Variants in ASPH observed in about 807,000 individuals in gnomAD.
ASPH encodes the protein aspartate beta-hydroxylase.
In ASPH, 100 loss-of-function variants were observed where a neutral mutation model predicts 118.4. That is an observed-to-expected ratio of 0.84 (90% CI 0.72 to 1.00). The LOEUF (loss-of-function observed/expected upper bound fraction) is 1.00. ASPH is among the 50% of genes least tolerant of loss of function. The probability of loss-of-function intolerance (pLI) is 0.00; values close to 1 mark genes in which losing one functional copy is unlikely to be tolerated. For missense variants in ASPH, 920 were observed against 919.5 expected (o/e 1.00, Z -0.01); for synonymous variants, 315 against 325.6 (o/e 0.97, Z 0.35).
Position 61,664,026 on chromosome 8 carries a change from A to G in ASPH, c.323-10366T>C, listed in dbSNP as rs550971548. On this transcript the variant is annotated intron_variant, in intron 3 of 24. Coordinates refer to ENST00000379454, the MANE Select transcript of ASPH (RefSeq NM_004318.4). ...TAAAATCTTAGTGGTAGCATTTTTG[A>G]TTCTGTTGTTAATAAGGTTAACATT... 25 of 912,588 alleles carry G rather than the reference A, an allele frequency of 2.7e-5. No homozygotes were observed. The African/African-American group carries it at 4.5e-4, about 16-fold the overall frequency. 56.5% of individuals were successfully genotyped at this position (912,588 alleles called of 1,614,324 possible).
Position 61,634,456 on chromosome 8 carries a change from C to T in ASPH, c.890-729G>A, listed in dbSNP as rs188274854. 7.3e-4 allele frequency among the ~76,000 whole-genome samples: 111 copies of T among 152,306 alleles called. 1 individual carries two copies. The highest frequency in any genetic ancestry group is 6.3e-3 in the Admixed American group (97 of 15,296). ...ACAGTATTTTCTAAAACAGAAAACACTTATGGAGCTATTTTAATAATTTTT... is the reference window on the plus strand; with the variant it reads ...ACAGTATTTTCTAAAACAGAAAACATTTATGGAGCTATTTTAATAATTTTT... On this transcript the variant is annotated intron_variant, in intron 12 of 24. Coordinates refer to ENST00000379454, the MANE Select transcript of ASPH (RefSeq NM_004318.4).
chr8:61,622,484 A>G (rs1169850678), intron 13 of ASPH, among the ~76,000 whole-genome samples: 1 of 152,204 alleles, frequency 6.6e-6, no homozygotes, highest in Non-Finnish European at 1.5e-5. Context: ...CTCTGAGTGC[A>G]TTACCACACT....
intron 14 of ASPH, chr8:61,606,453 T>C (rs546333052): frequency 6.6e-6 from 1 of 152,348 alleles, no homozygotes; most frequent in African/African-American, 2.4e-5. Context: ...GGCATCACAC[T>C]GTATAAATAG....
At chr8:61,573,162 G>A (rs750344012) in intron 16 of ASPH, among the ~76,000 whole-genome samples, 3 of 152,182 alleles carry the variant, frequency 2.0e-5, no homozygotes, top group Non-Finnish European at 4.4e-5. Context: ...CAAAGGATGT[G>A]AAGGACCTCT....
intron 16 of ASPH, among the ~76,000 whole-genome samples, chr8:61,571,776 CA>C (rs1162025414): frequency 1.3e-5 from 2 of 152,142 alleles, no homozygotes; most frequent in Non-Finnish European, 2.9e-5. Flanking sequence ...ATTAAATTAG[CA>C]TTTGCATAAA....
In ASPH at chr8:61,672,515, GTT is replaced by G. The variant is rs142842751; in HGVS notation, c.322+8451_322+8452del. ...ATAATTTTACCACTTATTTAAACCA[GTT>G]TTTTTTAAAAAAAAAAAACTCAGTA... On this transcript the variant is annotated intron_variant, in intron 3 of 24. Coordinates refer to ENST00000379454, the MANE Select transcript of ASPH (RefSeq NM_004318.4). 6.1e-5 allele frequency among the ~76,000 whole-genome samples: 9 copies of G among 147,502 alleles called. No homozygotes were observed. The South Asian group carries it at 7.0e-4, about 11-fold the overall frequency.
chr8:61,632,594 A>G, intron 13 of ASPH: 4 of 459,432 alleles, frequency 8.7e-6, no homozygotes, highest in South Asian at 6.6e-5. Context: ...GTAAAAGGTC[A>G]ATTTCTCCAT....
chr8:61,520,450 C>CA (rs1372467479), intron 22 of ASPH, among the ~76,000 whole-genome samples: 8 of 152,122 alleles, frequency 5.3e-5, no homozygotes, highest in Non-Finnish European at 7.4e-5. Flanking sequence ...ATAAGAGTTA[C>CA]AAAAAACGCA....
At chr8:61,600,112 A>AT (rs1843543801) in intron 14 of ASPH, among the ~76,000 whole-genome samples, 1 of 152,204 alleles carries the variant, frequency 6.6e-6, no homozygotes. Context: ...ACATATGAAA[A>AT]TAAAAAAAAA....
chr8:61,679,379 T>C (rs903234406), intron 3 of ASPH, among the ~76,000 whole-genome samples: 2 of 152,100 alleles, frequency 1.3e-5, no homozygotes, highest in South Asian at 2.1e-4. Flanking sequence ...TTACAATTAA[T>C]TAGCTTCTTA....
At chr8:61,614,374 A>C (rs1848381798) in intron 14 of ASPH, among the ~76,000 whole-genome samples, 1 of 152,240 alleles carries the variant, frequency 6.6e-6, no homozygotes, top group Non-Finnish European at 1.5e-5. Flanking sequence ...AATTTCTTTA[A>C]AGGCTCACAA....
rs1015789017 is a variant in ASPH, at chr8:61,569,868, T to G, written c.1150-2550A>C. 3.9e-5 allele frequency among the ~76,000 whole-genome samples: 6 copies of G among 152,204 alleles called. 1 individual carries two copies. The highest frequency in any genetic ancestry group is 1.4e-4 in the African/African-American group (6 of 41,460). On this transcript the variant is annotated intron_variant, in intron 16 of 24. Coordinates refer to ENST00000379454, the MANE Select transcript of ASPH (RefSeq NM_004318.4). ...TGTCAATGACCCACACTGATCATGATGCTGGCATGGCCTTCTATCATATAT... is the reference window on the plus strand; with the variant it reads ...TGTCAATGACCCACACTGATCATGAGGCTGGCATGGCCTTCTATCATATAT...
chr8:61,601,860 TAACTC>T (rs1161999910), intron 14 of ASPH, among the ~76,000 whole-genome samples: 1 of 151,380 alleles, frequency 6.6e-6, no homozygotes, highest in East Asian at 1.9e-4. Flanking sequence ...TTATGTCAAT[TAACTC>T]AACAAATTAG....
At chr8:61,642,264 T>C (rs929876862) in intron 10 of ASPH, among the ~76,000 whole-genome samples, 6 of 152,226 alleles carry the variant, frequency 3.9e-5, no homozygotes, top group Non-Finnish European at 7.3e-5. Flanking sequence ...CTAGAGCAAT[T>C]TAACTCCGGC....
At chr8:61,610,648 T>G (rs368367771) in intron 14 of ASPH, among the ~76,000 whole-genome samples, 1 of 152,330 alleles carries the variant, frequency 6.6e-6, no homozygotes, top group East Asian at 1.9e-4. Context: ...AGACTGTTTT[T>G]TCAAAGCTTT....
intron 13 of ASPH, among the ~76,000 whole-genome samples, chr8:61,623,232 T>C (rs186678117): frequency 1.1e-3 from 163 of 152,364 alleles, no homozygotes; most frequent in Non-Finnish European, 1.8e-3. Context: ...CTGCTGTCTT[T>C]TGATAAAAGT....
rs1201610095 is a variant in ASPH at position 61,501,133 on chromosome 8, A to AAAT, written c.*2223_*2225dup. ...TTTGTGTAGACATACGAAATCACAA[A>AAAT]AATAATAACACTGAAATAATTCTAC... On this transcript the variant is annotated 3_prime_UTR_variant, in exon 25 of 25. Coordinates refer to ENST00000379454, the MANE Select transcript of ASPH (RefSeq NM_004318.4). 3.3e-5 allele frequency: 5 copies of AAAT among 152,226 alleles called. No homozygotes were observed. The highest frequency in any genetic ancestry group is 5.9e-5 in the Non-Finnish European group (4 of 68,018). The allele number at this position is 152,226 out of a possible 1,614,324, so 9.4% of individuals were successfully genotyped here. A position where few individuals can be genotyped will look rare whatever the true frequency, so the allele number is the denominator to read the frequency against.
intron 21 of ASPH, among the ~76,000 whole-genome samples, chr8:61,543,013 T>C (rs574348724): frequency 1.3e-5 from 2 of 152,360 alleles, no homozygotes; most frequent in African/African-American, 4.8e-5. Flanking sequence ...TCTCATTTTA[T>C]TTGATTGTCA....
intron 14 of ASPH, among the ~76,000 whole-genome samples, chr8:61,614,095 G>A (rs570208260): frequency 6.6e-6 from 1 of 151,866 alleles, no homozygotes; most frequent in Non-Finnish European, 1.5e-5. Flanking sequence ...GTTTTCTAGC[G>A]CCATCTGGTG....
Sources: allele counts gnomAD v4.1 joint callset (sites outside exome capture counted in the v4.1 genomes callset), GRCh38; gene constraint gnomAD v4.1.1; transcripts MANE v1.5; gene names NCBI Gene and HGNC (gene_info 2026-07-23, HGNC 2026-07-21).